The following MGRN1 variants were observed in gnomAD, a reference collection of about 807,000 sequenced individuals.
The protein encoded by MGRN1 is E3 ubiquitin-protein ligase MGRN1.
A neutral mutation model predicts 69.2 loss-of-function variants in MGRN1; 29 were observed. The observed-to-expected ratio is 0.42, with a 90% confidence interval of 0.31 to 0.57. The LOEUF (loss-of-function observed/expected upper bound fraction) is 0.57. MGRN1 is among the 20% of genes least tolerant of loss of function. The pLI, the probability that MGRN1 is intolerant of heterozygous loss-of-function variation, is 0.15. For synonymous variants in MGRN1, 470 were observed against 344.2 expected, an observed-to-expected ratio of 1.37 and a Z score of -4.04; for missense variants, 998 against 796.2, an observed-to-expected ratio of 1.25 and a Z score of -3.05.
intron 14 of MGRN1, 77 bp from the exon 15 acceptor site, chr16:4,683,147 G>A (rs561233163): frequency 1.3e-5 from 20 of 1,579,736 alleles, no homozygotes; most frequent in African/African-American, 2.7e-5. Context: ...CGGGAGGGCC[G>A]TGCCTGATGG....
chr16:4,664,478 C>T (rs1022583571), intron 5 of MGRN1: 2 of 585,354 alleles, frequency 3.4e-6, no homozygotes, highest in African/African-American at 3.7e-5. Context: ...TTACTCAACG[C>T]TGTTGAAACG....
intron 1 of MGRN1, chr16:4,633,729 T>C (rs1032358464): frequency 6.6e-6 from 1 of 151,724 alleles, no homozygotes; most frequent in Non-Finnish European, 1.5e-5. Context: ...TTATTATTAT[T>C]ATTATTGAGA....
intron 1 of MGRN1, among the ~76,000 whole-genome samples, chr16:4,627,587 A>T (rs1279343109): frequency 6.6e-6 from 1 of 151,814 alleles, no homozygotes; most frequent in Non-Finnish European, 1.5e-5. Flanking sequence ...GGAGATGGAG[A>T]CCATCCTGGC....
chr16:4,626,681 C>T (rs958099677), intron 1 of MGRN1, among the ~76,000 whole-genome samples: 6 of 152,232 alleles, frequency 3.9e-5, no homozygotes. Flanking sequence ...ACTTGATGTC[C>T]GTTCTTCACT....
intron 5 of MGRN1, among the ~76,000 whole-genome samples, chr16:4,658,515 G>A (rs763270802): frequency 2.0e-5 from 3 of 148,928 alleles, no homozygotes; most frequent in Non-Finnish European, 4.5e-5. Context: ...CAGCCTGGGC[G>A]ACAGAGTGAG....
rs2078772289 is a variant in MGRN1 at position 4,665,135 on chromosome 16, T to C, written c.662T>C (p.Leu221Ser). Residue 221 changes from leucine (L) to serine (S), a missense_variant, in exon 7 of 17, where the codon TTG (leucine) becomes TCG (serine). Physicochemically the swap from Leu to Ser is moderately radical, Grantham distance 145. Transcript: ENST00000262370. ...GTGACTGGCCACGCCCACGTGCTCT[T>C]GGCTGCCTTTGAAAAGGTAAGTGCC... ...VEVTGHAHVL[L>S]AAFEKHMDGS... 6.2e-7 allele frequency: 1 copy of C among 1,614,160 alleles called. No individual in the cohort carries two copies. The highest frequency in any genetic ancestry group is 8.5e-7 in the Non-Finnish European group (1 of 1,180,020).
chr16:4,672,282 A>G (rs2078956042), intron 9 of MGRN1: 2 of 451,344 alleles, frequency 4.4e-6, no homozygotes, highest in South Asian at 1.6e-5. Context: ...TCTGATCTCA[A>G]GTGATCTGCC....
At chr16:4,679,344 G>A (rs1461298450) in intron 11 of MGRN1, among the ~76,000 whole-genome samples, 3 of 152,142 alleles carry the variant, frequency 2.0e-5, no homozygotes, top group East Asian at 1.9e-4. Flanking sequence ...CTGGGCGGCC[G>A]GGGTCCGAGG....
intron 1 of MGRN1, among the ~76,000 whole-genome samples, chr16:4,643,800 C>T (rs1266894726): frequency 6.6e-6 from 1 of 152,086 alleles, no homozygotes; most frequent in African/African-American, 2.4e-5. Context: ...TACTAATACC[C>T]AATTGATCAA....
chr16:4,660,955 A>G (rs1028603630), intron 5 of MGRN1, among the ~76,000 whole-genome samples: 8 of 152,130 alleles, frequency 5.3e-5, no homozygotes, highest in African/African-American at 1.9e-4. Context: ...GGGTGTGAAC[A>G]TGTGCCCCAC....
rs758226795 is a variant in MGRN1, at chr16:4,688,756, C to T, written c.1619-40C>T. On this transcript the variant is annotated intron_variant, in intron 16 of 16. Coordinates refer to ENST00000262370, the MANE Select transcript of MGRN1 (RefSeq NM_015246.4). ...TAGGAGCGGGTGGCGTGGCACCAGG[C>T]ATCCGAGTGTGACCCTCCTCCCTCT... is the stretch of plus-strand genomic sequence containing the variant. 4.0e-6 allele frequency: 6 copies of T among 1,513,506 alleles called. No individual in the cohort carries two copies. The African/African-American group carries it at 4.1e-5, about 10-fold the overall frequency. 93.8% of individuals were successfully genotyped at this position (1,513,506 alleles called of 1,614,324 possible). A position where few individuals can be genotyped will look rare whatever the true frequency, so the allele number is the denominator to read the frequency against.
intron 7 of MGRN1, 102 bp downstream of exon 7, chr16:4,665,253 T>G (rs1596299291): frequency 1.5e-6 from 2 of 1,299,324 alleles, no homozygotes; most frequent in Non-Finnish European, 2.2e-6. Flanking sequence ...CTTGGTGGGG[T>G]GGCTGAGTGT....
intron 11 of MGRN1, among the ~76,000 whole-genome samples, chr16:4,679,358 G>C (rs1037965985): frequency 6.6e-6 from 1 of 152,158 alleles, no homozygotes; most frequent in African/African-American, 2.4e-5. Context: ...TCCGAGGTGT[G>C]ACCAGGCAGC....
intron 3 of MGRN1, 36 bp from the exon 4 acceptor site, chr16:4,652,642 C>G (rs549044034): frequency 1.3e-6 from 2 of 1,583,408 alleles, no homozygotes; most frequent in African/African-American, 1.3e-5. Context: ...GATGGGGCCG[C>G]TGACCCGCTG....
intron 3 of MGRN1, 46 bp from the exon 4 acceptor site, chr16:4,652,632 G>C: frequency 6.4e-7 from 1 of 1,571,592 alleles, no homozygotes; most frequent in African/African-American, 1.4e-5. Flanking sequence ...AGCCTCCGCA[G>C]ATGGGGCCGC....
intron 16 of MGRN1, chr16:4,686,733 C>T (rs1293608654): frequency 2.0e-5 from 20 of 1,008,954 alleles, no homozygotes; most frequent in Non-Finnish European, 2.1e-5. Context: ...GGGGAGAGGC[C>T]TGGGCCTGGC....
At chr16:4,654,512 C>T (rs1211159509) in intron 4 of MGRN1, among the ~76,000 whole-genome samples, 1 of 152,256 alleles carries the variant, frequency 6.6e-6, no homozygotes, top group African/African-American at 2.4e-5. Context: ...GCTTTAGAGA[C>T]AGGCAAGAGC....
intron 10 of MGRN1, among the ~76,000 whole-genome samples, chr16:4,673,974 A>G (rs1277088402): frequency 6.6e-6 from 1 of 152,138 alleles, no homozygotes; most frequent in Non-Finnish European, 1.5e-5. Flanking sequence ...TGAAATCTTT[A>G]TTCTTATTTT....
In MGRN1 at chr16:4,671,508, AG is replaced by A. The variant is rs759490103; in HGVS notation, c.795+51del. On this transcript the variant is annotated intron_variant, in intron 9 of 16. Transcript: ENST00000262370. ...CTCTGCCATTACAGAAGCCCACACC[AG>A]GAGCAGCCGCGGACAGCAATGCTTG... 4 of 1,575,160 alleles carry A rather than the reference AG, an allele frequency of 2.5e-6. No individual in the cohort carries two copies. The African/African-American group carries it at 5.4e-5, about 21-fold the overall frequency.
Sources: gnomAD v4.1 joint callset for allele counts (sites outside exome capture counted in the v4.1 genomes callset) on GRCh38, gnomAD v4.1.1 for gene constraint, MANE v1.5 for transcripts, NCBI Gene and HGNC (gene_info 2026-07-23, HGNC 2026-07-21) for gene names.